SLC12A7: variants seen among roughly 807,000 people sequenced by gnomAD.
The protein encoded by SLC12A7 is K-Cl cotransporter 4.
SLC12A7 carries 100 observed loss-of-function variants against 120.6 expected under a neutral mutation model. The observed-to-expected ratio is 0.83, with a 90% CI of 0.71 to 0.98. SLC12A7 has a LOEUF of 0.98. Among genes scored for constraint, SLC12A7 ranks in the 50% least tolerant of loss-of-function variants. SLC12A7 has a pLI of 0.00. For synonymous variants in SLC12A7, 760 were observed against 678.0 expected, an observed-to-expected ratio of 1.12 and a Z score of -1.88; for missense variants, 1,373 against 1,548.1, an observed-to-expected ratio of 0.89 and a Z score of 1.90.
rs530219165 is a variant in SLC12A7, at chr5:1,085,804, T to G, written c.676-331A>C. Among the ~76,000 whole-genome samples the G allele has an allele frequency of 2.0e-5, 3 of 152,184 alleles. No homozygotes were observed. The South Asian group carries it at 6.2e-4, about 32-fold the overall frequency. On this transcript the variant is annotated intron_variant, in intron 6 of 23. Coordinates refer to ENST00000264930, the MANE Select transcript of SLC12A7 (RefSeq NM_006598.3). Reference sequence around the variant, plus strand: ...CCGGGAGCCTTAGAGTAAAGCAACTTCAGGACCCGGGGCATCCGCATGTCC... The same window carrying G: ...CCGGGAGCCTTAGAGTAAAGCAACTGCAGGACCCGGGGCATCCGCATGTCC...
At chr5:1,062,712 ACTGGGGGGCTGCGGGG>A (rs1736434984) in intron 20 of SLC12A7, among the ~76,000 whole-genome samples, 1 of 104,140 alleles carries the variant, frequency 9.6e-6, no homozygotes, top group Admixed American at 9.9e-5. Context: ...GGACTGGGGG[ACTGGGGGGCTGCGGGG>A]CTGGAGAGAC....
chr5:1,151,295 C>A, the SLC12A7 span, among the ~76,000 whole-genome samples: 1 of 152,226 alleles, frequency 6.6e-6, no homozygotes, highest in Non-Finnish European at 1.5e-5. The surrounding 1 kb of genome is among the most constrained non-coding windows in gnomAD (Gnocchi z 6.2). Flanking sequence ...ATGCAGACAT[C>A]CACTCACACA....
intron 10 of SLC12A7, 84 bp from the exon 11 acceptor site, chr5:1,078,842 T>TGGGG (rs1738669357): frequency 4.0e-4 from 7 of 17,492 alleles, no homozygotes; most frequent in Non-Finnish European, 6.2e-4. Flanking sequence ...GTGGGGTGGG[T>TGGGG]GGGGAGATGC....
chr5:1,073,539 G>A lies in SLC12A7; in HGVS notation c.2241+94C>T, dbSNP rs375312216. 207 of 1,374,152 alleles carry A rather than the reference G, an allele frequency of 1.5e-4. No individual in the cohort carries two copies. The African/African-American group carries it at 1.9e-3, about 12-fold the overall frequency. The allele number at this position is 1,374,152 out of a possible 1,614,324, so 85.1% of individuals were successfully genotyped here. On this transcript the variant is annotated intron_variant, in intron 17 of 23. Coordinates refer to ENST00000264930, the MANE Select transcript of SLC12A7 (RefSeq NM_006598.3). ...ACACAGCAGCGCCACGCACAGCACC[G>A]TGTTGACACGCTGCGATGAGGACAT...
chr5:1,082,211 C>T (rs57848881), intron 8 of SLC12A7, among the ~76,000 whole-genome samples: 269 of 136,776 alleles, frequency 2.0e-3, no homozygotes, highest in African/African-American at 7.2e-3. Flanking sequence ...CTGGAAAGTC[C>T]GGGCTTCCTC....
At chr5:1,078,132 C>T in intron 11 of SLC12A7, 125 bp from the exon 12 acceptor site, 1 of 1,204,134 alleles carries the variant, frequency 8.3e-7, no homozygotes, top group Non-Finnish European at 1.1e-6. Flanking sequence ...AAGCTGAGGC[C>T]CGGCCTCCAG....
intron 3 of SLC12A7, among the ~76,000 whole-genome samples, chr5:1,090,936 C>T (rs1171480661): frequency 6.6e-6 from 1 of 152,146 alleles, no homozygotes; most frequent in Non-Finnish European, 1.5e-5. Flanking sequence ...TGGGGATGAG[C>T]CTCTGAGCCT....
chr5:1,122,205 C>T, the SLC12A7 span, among the ~76,000 whole-genome samples: 22 of 152,332 alleles, frequency 1.4e-4, no homozygotes, highest in Middle Eastern at 3.4e-3. Flanking sequence ...CCTGCCCTTG[C>T]GCATGGGCCT....
chr5:1,107,600 C>T (rs1193202696), intron 1 of SLC12A7, among the ~76,000 whole-genome samples: 3 of 152,218 alleles, frequency 2.0e-5, no homozygotes, highest in Non-Finnish European at 2.9e-5. Flanking sequence ...CCCGACCAGC[C>T]GCCCTGCACC....
At chr5:1,128,277 G>T in the SLC12A7 span, among the ~76,000 whole-genome samples, 1 of 152,176 alleles carries the variant, frequency 6.6e-6, no homozygotes, top group African/African-American at 2.4e-5. Flanking sequence ...GTAAACTCCC[G>T]CTGATCTGCA....
the SLC12A7 span, among the ~76,000 whole-genome samples, chr5:1,117,969 G>C: frequency 2.0e-5 from 3 of 152,158 alleles, no homozygotes; most frequent in African/African-American, 4.8e-5. The surrounding 1 kb of genome is among the most constrained non-coding windows in gnomAD (Gnocchi z 4.5). Flanking sequence ...CCAGCTACTC[G>C]GGAGGCTGAG....
At chr5:1,132,252 G>A in the SLC12A7 span, among the ~76,000 whole-genome samples, 1 of 152,090 alleles carries the variant, frequency 6.6e-6, no homozygotes, top group African/African-American at 2.4e-5. Context: ...GGCAACGTCG[G>A]GAAGCTACCC....
Position 1,050,677 on chromosome 5 carries a change from C to T in SLC12A7, c.*1683G>A, listed in dbSNP as rs898045692. On this transcript the variant is annotated 3_prime_UTR_variant, in exon 24 of 24. Coordinates refer to ENST00000264930, the MANE Select transcript of SLC12A7 (RefSeq NM_006598.3). Reference sequence around the variant, plus strand: ...GGCCGCTGTGCCTCTAGCCTGCTCTCCTCCAGGTGCAGGGGACACAGGACC... The same window carrying T: ...GGCCGCTGTGCCTCTAGCCTGCTCTTCTCCAGGTGCAGGGGACACAGGACC... 1.3e-5 allele frequency: 5 copies of T among 393,800 alleles called. No homozygotes were observed. The highest frequency in any genetic ancestry group is 8.9e-6 in the Non-Finnish European group (2 of 223,576). 24.4% of individuals were successfully genotyped at this position (393,800 alleles called of 1,614,324 possible). A position where few individuals can be genotyped will look rare whatever the true frequency, so the allele number is the denominator to read the frequency against.
intron 9 of SLC12A7, among the ~76,000 whole-genome samples, chr5:1,080,368 GC>G (rs1299476067): frequency 6.6e-6 from 1 of 152,190 alleles, no homozygotes; most frequent in Non-Finnish European, 1.5e-5. Flanking sequence ...GACGGGGGAG[GC>G]TGGAGCGGAG....
intron 20 of SLC12A7, among the ~76,000 whole-genome samples, chr5:1,061,336 A>C (rs1404534885): frequency 1.9e-4 from 1 of 5,302 alleles, no homozygotes; most frequent in African/African-American, 2.1e-4. Flanking sequence ...GGGATCCCTG[A>C]GTCTCACCCG....
intron 1 of SLC12A7, among the ~76,000 whole-genome samples, chr5:1,095,536 C>T (rs569457890): frequency 1.9e-3 from 282 of 152,336 alleles, no homozygotes; most frequent in Non-Finnish European, 2.6e-3. Context: ...TAGGGGTGCT[C>T]GGCCCATCCT....
chr5:1,089,560 G>T (rs1740263946), intron 3 of SLC12A7, among the ~76,000 whole-genome samples: 1 of 142,860 alleles, frequency 7.0e-6, no homozygotes, highest in South Asian at 2.3e-4. Context: ...GACGGCTGCT[G>T]CCCATAAAGC....
At chr5:1,104,683 C>T (rs924558166) in intron 1 of SLC12A7, among the ~76,000 whole-genome samples, 3 of 149,772 alleles carry the variant, frequency 2.0e-5, no homozygotes, top group Non-Finnish European at 4.5e-5. Context: ...CCGGGGGGTG[C>T]GTGTGGGGTG....
At chr5:1,057,790 G>A (rs554759901) in intron 21 of SLC12A7, 141 bp from the exon 22 acceptor site, 27 of 763,216 alleles carry the variant, frequency 3.5e-5, no homozygotes, top group South Asian at 1.1e-4. Flanking sequence ...CCAGCCTGGC[G>A]TCCCACACTG....
Sources: allele counts gnomAD v4.1 joint callset (sites outside exome capture counted in the v4.1 genomes callset), GRCh38; gene constraint gnomAD v4.1.1; non-coding constraint Gnocchi (gnomAD v3.1); transcripts MANE v1.5; gene names NCBI Gene and HGNC (gene_info 2026-07-23, HGNC 2026-07-21).